The following RBFOX1 variants were observed in gnomAD, a reference collection of about 807,000 sequenced individuals.
RBFOX1 encodes the protein RNA binding fox-1 homolog 1, also known as RNA binding protein fox-1 homolog 1.
In RBFOX1, 8 loss-of-function variants were observed where a neutral mutation model predicts 57.7. The ratio of observed to expected loss-of-function variants is 0.14; its 90% CI spans 0.08 to 0.25. The LOEUF (loss-of-function observed/expected upper bound fraction) is 0.25. RBFOX1 is among the 10% of genes least tolerant of loss of function. The probability of loss-of-function intolerance (pLI) is 1.00; values close to 1 mark genes in which losing one functional copy is unlikely to be tolerated. For missense variants in RBFOX1, 611 were observed against 548.5 expected, an observed-to-expected ratio of 1.11 and a Z score of -1.14; for synonymous variants, 326 against 222.4, an observed-to-expected ratio of 1.47 and a Z score of -4.15.
intron 3 of RBFOX1, among the ~76,000 whole-genome samples, chr16:6,739,660 T>C (rs537452404): frequency 1.3e-5 from 2 of 152,214 alleles, no homozygotes; most frequent in South Asian, 4.2e-4. Context: ...GTGGATCACA[T>C]GAGGTCACGA....
chr16:7,411,216 G>C (rs1443211279), intron 4 of RBFOX1, among the ~76,000 whole-genome samples: 2 of 143,880 alleles, frequency 1.4e-5, no homozygotes, highest in Admixed American at 7.2e-5. Flanking sequence ...AAAGTGCTGG[G>C]ATTACAGCCA....
intron 3 of RBFOX1, among the ~76,000 whole-genome samples, chr16:6,941,973 A>G (rs181618186): frequency 6.6e-6 from 1 of 152,280 alleles, no homozygotes; most frequent in Non-Finnish European, 1.5e-5. Context: ...TCACACCTGT[A>G]ATCCCAGCAC....
At chr16:5,635,721 A>G (rs985540033) in intron 3 of RBFOX1, among the ~76,000 whole-genome samples, 1 of 152,178 alleles carries the variant, frequency 6.6e-6, no homozygotes, top group Non-Finnish European at 1.5e-5. Context: ...GCACCAGTAG[A>G]CTGCCATCTT....
At chr16:5,302,700 C>G (rs2063834273) in intron 1 of RBFOX1, among the ~76,000 whole-genome samples, 1 of 152,174 alleles carries the variant, frequency 6.6e-6, no homozygotes, top group South Asian at 2.1e-4. Flanking sequence ...TAGTAATGCT[C>G]TTTGTCTTGA....
intron 3 of RBFOX1, among the ~76,000 whole-genome samples, chr16:6,949,265 A>G (rs977492310): frequency 8.5e-5 from 13 of 152,224 alleles, no homozygotes; most frequent in African/African-American, 2.2e-4. Context: ...AACAGGCTCA[A>G]TTTCACAAAA....
In RBFOX1 at chr16:7,286,616, A is replaced by ATTTT. The variant is rs61621368; in HGVS notation, c.28-231509_28-231506dup. On this transcript the variant is annotated intron_variant, in intron 4 of 15. Transcript: ENST00000550418. ...AGGAGCACACCACCAGGACTGGCTA[A>ATTTT]TTTTTTTTTTTTTTTTTTTTTTTTT... Among the ~76,000 whole-genome samples, 121 of 90,918 alleles carry ATTTT rather than the reference A, an allele frequency of 1.3e-3. 1 individual carries two copies. Among genetic ancestry groups the ATTTT allele is most frequent in the East Asian group, 6.9e-3 (18 of 2,612 alleles). 59.6% of individuals were successfully genotyped at this position (90,918 alleles called of 152,430 possible). A position where few individuals can be genotyped will look rare whatever the true frequency, so the allele number is the denominator to read the frequency against.
intron 2 of RBFOX1, among the ~76,000 whole-genome samples, chr16:6,423,222 C>T (rs886349527): frequency 6.6e-6 from 1 of 152,114 alleles, no homozygotes; most frequent in Non-Finnish European, 1.5e-5. Context: ...TGTATCTGAC[C>T]AACATTTTGT....
chr16:7,092,242 G>T (rs1223655464), intron 4 of RBFOX1, among the ~76,000 whole-genome samples: 2 of 152,048 alleles, frequency 1.3e-5, no homozygotes, highest in Admixed American at 1.3e-4. Flanking sequence ...TCTCTTGTTT[G>T]TTTCTGCTTT....
chr16:6,022,812 T>C (rs1054595789), intron 1 of RBFOX1, among the ~76,000 whole-genome samples: 6 of 152,248 alleles, frequency 3.9e-5, no homozygotes. Flanking sequence ...ATGAACTGAA[T>C]GCACAAATAC....
chr16:6,357,925 C>G (rs1025579152), intron 2 of RBFOX1, among the ~76,000 whole-genome samples: 14 of 150,634 alleles, frequency 9.3e-5, no homozygotes, highest in Non-Finnish European at 1.9e-4. Context: ...CCACTTCACT[C>G]CAGCCTGGGC....
rs72768865 is a variant in RBFOX1, at chr16:6,860,498, C to T, written c.-15-191559C>T. ...GTATATTGATGCACCTGCTTTGGCG[C>T]TCACTTTAGTAACATCATGGGACAT... On this transcript the variant is annotated intron_variant, in intron 3 of 15. Transcript: ENST00000550418. Among the ~76,000 whole-genome samples the T allele has an allele frequency of 3.0e-3, 459 of 152,268 alleles. 3 individuals carry two copies. Among genetic ancestry groups the T allele is most frequent in the Non-Finnish European group, 4.7e-3 (323 of 68,026 alleles).
chr16:7,031,429 C>G (rs1486654579), intron 3 of RBFOX1, among the ~76,000 whole-genome samples: 3 of 151,928 alleles, frequency 2.0e-5, no homozygotes, highest in East Asian at 3.9e-4. Flanking sequence ...AACCCCGTCT[C>G]TACTAAAAAT....
chr16:6,785,117 ATATT>A (rs747295319), intron 3 of RBFOX1, among the ~76,000 whole-genome samples: 2 of 152,074 alleles, frequency 1.3e-5, no homozygotes, highest in Non-Finnish European at 2.9e-5. Context: ...CCTTCCAAAA[ATATT>A]CATTATTAAA....
intron 3 of RBFOX1, among the ~76,000 whole-genome samples, chr16:7,041,361 G>A (rs552670649): frequency 6.6e-6 from 1 of 152,176 alleles, no homozygotes; most frequent in East Asian, 1.9e-4. Flanking sequence ...GGCTCTCAAA[G>A]GGCAATGCAT....
intron 3 of RBFOX1, among the ~76,000 whole-genome samples, chr16:6,784,800 C>A (rs1473991153): frequency 6.6e-6 from 1 of 151,838 alleles, no homozygotes; most frequent in African/African-American, 2.4e-5. Context: ...TTCTATTTAG[C>A]CATCTTGTTC....
chr16:7,703,728 T>G (rs1358417033), intron 14 of RBFOX1, among the ~76,000 whole-genome samples: 1 of 152,170 alleles, frequency 6.6e-6, no homozygotes, highest in East Asian at 1.9e-4. Context: ...AAACACGGGT[T>G]TATATTCCCA....
intron 2 of RBFOX1, among the ~76,000 whole-genome samples, chr16:6,544,882 C>T (rs1020155903): frequency 6.6e-6 from 1 of 152,192 alleles, no homozygotes; most frequent in African/African-American, 2.4e-5. Flanking sequence ...TACCTTTGCC[C>T]AGTACCATTG....
chr16:6,019,818 G>A lies in RBFOX1; in HGVS notation c.-301G>A. On this transcript the variant is annotated 5_prime_UTR_variant, in exon 1 of 16. Transcript: ENST00000550418. This position sits in a 1 kb window ranked among gnomAD's most constrained non-coding sequence, Gnocchi z 4.2. ...GGACCCTCGCCGCGCCCAGGCAGGC[G>A]CGCCAGGGCGGGGCTGACCTGCCCG... 15 of 1,501,782 alleles carry A rather than the reference G, an allele frequency of 1.0e-5. No homozygotes were observed. Among genetic ancestry groups the A allele is most frequent in the Non-Finnish European group, 1.2e-5 (14 of 1,125,930 alleles). 93.0% of individuals were successfully genotyped at this position (1,501,782 alleles called of 1,614,324 possible).
chr16:5,828,861 A>C (rs2056167396), intron 3 of RBFOX1, among the ~76,000 whole-genome samples: 1 of 152,134 alleles, frequency 6.6e-6, no homozygotes, highest in Non-Finnish European at 1.5e-5. Flanking sequence ...GTTGTGTAAT[A>C]AATTACCATT....
Sources: allele counts gnomAD v4.1 joint callset (sites outside exome capture counted in the v4.1 genomes callset), GRCh38; gene constraint gnomAD v4.1.1; non-coding constraint Gnocchi (gnomAD v3.1); transcripts MANE v1.5; gene names NCBI Gene and HGNC (gene_info 2026-07-23, HGNC 2026-07-21).